LRMDA: variants seen among roughly 807,000 people sequenced by gnomAD.
The protein encoded by LRMDA is leucine-rich melanocyte differentiation-associated protein.
In LRMDA, 18 loss-of-function variants were observed where a neutral mutation model predicts 29.8. The ratio of observed to expected loss-of-function variants is 0.60; its 90% confidence interval spans 0.42 to 0.90. LRMDA has a LOEUF of 0.90. LRMDA is among the 40% of genes least tolerant of loss of function. The pLI is 0.00. For missense variants in LRMDA, 273 were observed against 273.9 expected, an observed-to-expected ratio of 1.00 and a Z score of 0.02; for synonymous variants, 125 against 109.4, an observed-to-expected ratio of 1.14 and a Z score of -0.89.
At chr10:76,144,975 G>T (rs1248810964) in intron 5 of LRMDA, among the ~76,000 whole-genome samples, 4 of 152,290 alleles carry the variant, frequency 2.6e-5, no homozygotes, top group East Asian at 3.9e-4. Context: ...CTTTGGTTCT[G>T]TTTATATGCT....
intron 4 of LRMDA, among the ~76,000 whole-genome samples, chr10:76,052,459 GA>G (rs144536359): frequency 0.021 from 3,147 of 152,210 alleles, 122 homozygotes; most frequent in African/African-American, 0.072. Flanking sequence ...TTGCCCTGGG[GA>G]TAACAGTTAC....
At chr10:76,359,733 G>A (rs1475466241) in intron 6 of LRMDA, among the ~76,000 whole-genome samples, 1 of 152,188 alleles carries the variant, frequency 6.6e-6, no homozygotes, top group African/African-American at 2.4e-5. Context: ...AAGGACACAT[G>A]AATGAAAGGT....
At position 75,858,212 on chromosome 10, in the gene LRMDA, A is replaced by G. The variant is rs1844860273; in HGVS notation, c.132-177796A>G. Among the ~76,000 whole-genome samples, 3 of 152,196 alleles carry G rather than the reference A, an allele frequency of 2.0e-5. No individual in the cohort carries two copies. The South Asian group carries it at 6.2e-4, about 31-fold the overall frequency. Reference sequence around the variant, plus strand: ...TCTACTCAGTAGAAGCAGGTACCACATGGGGACCCTGTATCACCGCAGTAA... The same window carrying G: ...TCTACTCAGTAGAAGCAGGTACCACGTGGGGACCCTGTATCACCGCAGTAA... On this transcript the variant is annotated intron_variant, in intron 2 of 6. Coordinates refer to ENST00000611255, the MANE Select transcript of LRMDA (RefSeq NM_001305581.2).
chr10:75,886,154 G>C (rs765982898), intron 2 of LRMDA, among the ~76,000 whole-genome samples: 4 of 152,166 alleles, frequency 2.6e-5, no homozygotes, highest in Non-Finnish European at 4.4e-5. Context: ...CCATCTTCTA[G>C]TTGACATTGG....
chr10:76,147,664 T>C (rs966577301), intron 5 of LRMDA, among the ~76,000 whole-genome samples: 58 of 152,282 alleles, frequency 3.8e-4, no homozygotes, highest in African/African-American at 1.3e-3. Context: ...TTTGATCGTC[T>C]GAAGCCTTCT....
intron 6 of LRMDA, among the ~76,000 whole-genome samples, chr10:76,363,673 C>T (rs1841357022): frequency 6.6e-6 from 1 of 152,090 alleles, no homozygotes; most frequent in Non-Finnish European, 1.5e-5. Flanking sequence ...CCCCCACCTC[C>T]TTTCTTTCTT....
chr10:75,661,456 C>A (rs1394232092), intron 2 of LRMDA, among the ~76,000 whole-genome samples: 2 of 152,148 alleles, frequency 1.3e-5, no homozygotes, highest in Non-Finnish European at 2.9e-5. Flanking sequence ...TGAGAATCTA[C>A]ATCTCTAAAA....
At chr10:75,809,697 GT>G (rs1237701162) in intron 2 of LRMDA, among the ~76,000 whole-genome samples, 1 of 152,112 alleles carries the variant, frequency 6.6e-6, no homozygotes, top group African/African-American at 2.4e-5. Flanking sequence ...GGCACTTCAT[GT>G]TCCAGTGGGA....
intron 5 of LRMDA, among the ~76,000 whole-genome samples, chr10:76,153,171 C>G (rs953852221): frequency 1.3e-5 from 2 of 152,028 alleles, no homozygotes; most frequent in Non-Finnish European, 2.9e-5. Flanking sequence ...AGTTATTTGT[C>G]TTTATATTGT....
intron 2 of LRMDA, among the ~76,000 whole-genome samples, chr10:75,486,586 A>T (rs1234675428): frequency 6.6e-6 from 1 of 152,036 alleles, no homozygotes; most frequent in African/African-American, 2.4e-5. Context: ...GCAGGAGATG[A>T]GTCTTGAAGA....
chr10:75,500,994 CTCT>C (rs1187571494), intron 2 of LRMDA, among the ~76,000 whole-genome samples: 1 of 152,220 alleles, frequency 6.6e-6, no homozygotes, highest in Non-Finnish European at 1.5e-5. Flanking sequence ...ATTCTCAAGT[CTCT>C]TCTTTGCATG....
At chr10:76,388,526 G>A (rs1222253424) in intron 6 of LRMDA, among the ~76,000 whole-genome samples, 1 of 152,182 alleles carries the variant, frequency 6.6e-6, no homozygotes, top group Non-Finnish European at 1.5e-5. Context: ...TGGCTTGCTT[G>A]TGGTTTGGCA....
chr10:76,042,321 C>A (rs1848354628), intron 3 of LRMDA, among the ~76,000 whole-genome samples: 1 of 152,152 alleles, frequency 6.6e-6, no homozygotes, highest in Non-Finnish European at 1.5e-5. Context: ...TTCTGCCATA[C>A]AAAATACCCA....
chr10:76,281,578 C>T (rs115901806), intron 5 of LRMDA, among the ~76,000 whole-genome samples: 5 of 152,270 alleles, frequency 3.3e-5, no homozygotes, highest in African/African-American at 1.2e-4. Context: ...CCCAACCCCC[C>T]CATCATCCAT....
chr10:76,463,958 A>T (rs947727927), intron 6 of LRMDA, among the ~76,000 whole-genome samples: 2 of 113,754 alleles, frequency 1.8e-5, no homozygotes, highest in African/African-American at 3.3e-5. Flanking sequence ...TTTCTGTGTC[A>T]CCCAGGCTGG....
intron 2 of LRMDA, among the ~76,000 whole-genome samples, chr10:75,540,850 A>G (rs1840007159): frequency 6.6e-6 from 1 of 152,176 alleles, no homozygotes; most frequent in Non-Finnish European, 1.5e-5. Context: ...AAAAAGTAAA[A>G]TAATTCCCTA....
chr10:76,432,518 G>A (rs1264550666), intron 6 of LRMDA, among the ~76,000 whole-genome samples: 4 of 152,172 alleles, frequency 2.6e-5, no homozygotes, highest in Admixed American at 1.3e-4. Context: ...AGAGGTGCAG[G>A]GGGAACAAGT....
intron 6 of LRMDA, among the ~76,000 whole-genome samples, chr10:76,326,734 A>C (rs1311958071): frequency 6.6e-6 from 1 of 152,216 alleles, no homozygotes; most frequent in East Asian, 1.9e-4. Context: ...TGTAACTTCC[A>C]ATGTCAACTA....
At chr10:76,532,362 G>A (rs1330416034) in intron 6 of LRMDA, among the ~76,000 whole-genome samples, 1 of 152,122 alleles carries the variant, frequency 6.6e-6, no homozygotes, top group Admixed American at 6.6e-5. Context: ...AACCTTCTGG[G>A]CCTTCTGTTT....
Sources: gnomAD v4.1 joint callset for allele counts (sites outside exome capture counted in the v4.1 genomes callset) on GRCh38, gnomAD v4.1.1 for gene constraint, MANE v1.5 for transcripts, NCBI Gene and HGNC (gene_info 2026-07-23, HGNC 2026-07-21) for gene names.